The following DCC variants were observed in gnomAD, a reference collection of about 807,000 sequenced individuals.
The protein encoded by DCC is DCC netrin 1 receptor, also known as netrin receptor DCC.
Under a neutral mutation model 172.5 loss-of-function variants are expected in DCC, and 58 were observed. That is an observed-to-expected ratio of 0.34 (90% CI 0.27 to 0.42). DCC has a LOEUF of 0.42. Ranked by LOEUF, DCC falls within the 10% of genes least tolerant of loss-of-function variation. DCC has a pLI of 1.00. For synonymous variants in DCC, 709 were observed against 644.5 expected, an observed-to-expected ratio of 1.10 and a Z score of -1.52; for missense variants, 1,740 against 1,791.0, an observed-to-expected ratio of 0.97 and a Z score of 0.51.
chr18:53,226,930 G>GTATATATATATATATATATA (rs1290601706), intron 12 of DCC, among the ~76,000 whole-genome samples: 1 of 48,602 alleles, frequency 2.1e-5, no homozygotes, highest in African/African-American at 7.7e-5. Context: ...GTGTGTGTGT[G>GTATATATATATATATATATA]TGTGTATATA....
intron 1 of DCC, among the ~76,000 whole-genome samples, chr18:52,631,129 A>G (rs1254006201): frequency 1.3e-5 from 2 of 152,176 alleles, no homozygotes; most frequent in African/African-American, 4.8e-5. Flanking sequence ...TGAGCATTAT[A>G]CTTTTTCTAA....
chr18:52,940,748 A>G lies in DCC; in HGVS notation c.985+15378A>G, dbSNP rs187055929. ...TTCTGCTATCACTTATTTCTAGAAGAAAAGATATCTTAATTGATGTCAGCT... is the reference window on the plus strand; with the variant it reads ...TTCTGCTATCACTTATTTCTAGAAGGAAAGATATCTTAATTGATGTCAGCT... On this transcript the variant is annotated intron_variant, in intron 5 of 28. Transcript: ENST00000442544. Among the ~76,000 whole-genome samples, 199 of 152,344 alleles carry G rather than the reference A, an allele frequency of 1.3e-3. 1 individual carries two copies. Among genetic ancestry groups the G allele is most frequent in the South Asian group, 8.9e-3 (43 of 4,826 alleles).
At chr18:53,074,249 A>T (rs1044202099) in intron 7 of DCC, among the ~76,000 whole-genome samples, 2 of 152,170 alleles carry the variant, frequency 1.3e-5, no homozygotes, top group African/African-American at 4.8e-5. Flanking sequence ...AGAAGAGCCA[A>T]TTTCATGTGC....
At chr18:53,485,133 C>T (rs1336207171) in intron 25 of DCC, among the ~76,000 whole-genome samples, 1 of 151,972 alleles carries the variant, frequency 6.6e-6, no homozygotes, top group Non-Finnish European at 1.5e-5. Context: ...TAAATAAGTA[C>T]ATTTTAGCTA....
At chr18:52,632,052 T>C (rs1166372319) in intron 1 of DCC, among the ~76,000 whole-genome samples, 2 of 152,182 alleles carry the variant, frequency 1.3e-5, no homozygotes, top group African/African-American at 4.8e-5. Flanking sequence ...CTCCCATTCA[T>C]CTTTCTGATG....
intron 2 of DCC, among the ~76,000 whole-genome samples, chr18:52,787,894 T>C (rs904258760): frequency 8.5e-5 from 13 of 152,138 alleles, no homozygotes; most frequent in Non-Finnish European, 1.8e-4. Context: ...CTTGCATTAG[T>C]TTATTAATGT....
chr18:53,011,836 G>A (rs183172631), intron 5 of DCC, among the ~76,000 whole-genome samples: 4 of 151,220 alleles, frequency 2.6e-5, no homozygotes, highest in African/African-American at 4.8e-5. Flanking sequence ...CCTTCATCCG[G>A]TCACATATTC....
chr18:53,520,449 G>A (rs1361837949), intron 27 of DCC, among the ~76,000 whole-genome samples: 1 of 152,006 alleles, frequency 6.6e-6, no homozygotes, highest in African/African-American at 2.4e-5. Flanking sequence ...TAGACACACG[G>A]GAAGGTGACT....
chr18:53,017,485 A>C (rs1027491024), intron 5 of DCC, among the ~76,000 whole-genome samples: 53 of 152,176 alleles, frequency 3.5e-4, no homozygotes, highest in African/African-American at 1.2e-3. Flanking sequence ...GTTTATAAAC[A>C]AGTATGTCCA....
rs895813012 is a variant in DCC at position 53,207,764 on chromosome 18, G to T, written c.1808G>T (p.Arg603Leu). The T allele has an allele frequency of 1.2e-6, 2 of 1,613,190 alleles. No homozygotes were observed. The highest frequency in any genetic ancestry group is 1.7e-6 in the Non-Finnish European group (2 of 1,179,418). ...EYSLRFLAYN[R>L]YGPGVSTDDI... is the part of the protein sequence containing the mutation. ...AGTCTTCGATTCTTAGCTTATAATC[G>T]CTATGGTCCGGGCGTCTCTACTGAT... is the stretch of plus-strand genomic sequence containing the variant. Residue 603 changes from arginine (R) to leucine (L), a missense_variant, in exon 11 of 29, where the codon CGC (arginine) becomes CTC (leucine). Around this residue, in one of 2 missense-constraint regions of DCC, gnomAD observed 1,732 missense variants for 1,767.4 expected, o/e 0.98. Transcript: ENST00000442544.
chr18:52,494,865 AC>A (rs1251748852), intron 1 of DCC, among the ~76,000 whole-genome samples: 5 of 152,050 alleles, frequency 3.3e-5, no homozygotes, highest in African/African-American at 1.2e-4. Flanking sequence ...ATCTTGTCAC[AC>A]CTAGTAATTT....
intron 15 of DCC, among the ~76,000 whole-genome samples, chr18:53,352,961 C>T (rs1424459375): frequency 6.6e-6 from 1 of 152,020 alleles, no homozygotes; most frequent in African/African-American, 2.4e-5. Flanking sequence ...TTGACCTTAC[C>T]ATTATTGACC....
chr18:53,278,097 T>G (rs2056827402), intron 12 of DCC, among the ~76,000 whole-genome samples: 1 of 152,144 alleles, frequency 6.6e-6, no homozygotes, highest in Admixed American at 6.6e-5. Context: ...CACAGGCATA[T>G]GACTAGACAA....
At chr18:52,623,535 T>C (rs988045208) in intron 1 of DCC, among the ~76,000 whole-genome samples, 1 of 152,220 alleles carries the variant, frequency 6.6e-6, no homozygotes, top group Non-Finnish European at 1.5e-5. Context: ...TGTTTTGTTC[T>C]TCCAACAAGG....
At chr18:52,700,207 C>T (rs2036088799) in intron 1 of DCC, among the ~76,000 whole-genome samples, 1 of 51,088 alleles carries the variant, frequency 2.0e-5, no homozygotes, top group African/African-American at 7.0e-5. Flanking sequence ...CACATACACA[C>T]ATGCACATGT....
At chr18:52,978,856 A>G (rs2041163483) in intron 5 of DCC, among the ~76,000 whole-genome samples, 11 of 152,136 alleles carry the variant, frequency 7.2e-5, no homozygotes, top group Admixed American at 7.2e-4. Context: ...TAGAGTAATG[A>G]CTTCCAGCTC....
At chr18:52,651,863 G>A (rs960713431) in intron 1 of DCC, among the ~76,000 whole-genome samples, 11 of 152,166 alleles carry the variant, frequency 7.2e-5, no homozygotes, top group African/African-American at 2.2e-4. Flanking sequence ...GGACTGATAA[G>A]AGGGGAAGAA....
At chr18:53,388,130 A>T (rs941471472) in intron 16 of DCC, among the ~76,000 whole-genome samples, 2 of 152,224 alleles carry the variant, frequency 1.3e-5, no homozygotes, top group African/African-American at 4.8e-5. Flanking sequence ...AAATAATACT[A>T]AAAGTTGGAA....
chr18:52,579,366 G>T (rs191562966), intron 1 of DCC, among the ~76,000 whole-genome samples: 1 of 152,262 alleles, frequency 6.6e-6, no homozygotes, highest in Non-Finnish European at 1.5e-5. Flanking sequence ...AGCTGGGATG[G>T]TCTTAGAATT....
Sources: allele counts gnomAD v4.1 joint callset (sites outside exome capture counted in the v4.1 genomes callset), GRCh38; gene constraint gnomAD v4.1.1; regional missense constraint gnomAD v4.1.1; transcripts MANE v1.5; gene names NCBI Gene and HGNC (gene_info 2026-07-23, HGNC 2026-07-21).